DMD: variants seen among roughly 807,000 people sequenced by gnomAD.
The protein encoded by DMD is dystrophin.
A neutral mutation model predicts 330.1 loss-of-function variants in DMD; 63 were observed. The observed-to-expected ratio is 0.19, with a 90% CI of 0.16 to 0.24. DMD has a LOEUF of 0.24. DMD is among the 10% of genes least tolerant of loss of function. DMD has a pLI of 1.00. For missense variants in DMD, 3,344 were observed against 2,684.1 expected, an observed-to-expected ratio of 1.25 and a Z score of -5.43; for synonymous variants, 1,223 against 959.8, an observed-to-expected ratio of 1.27 and a Z score of -5.07.
intron 4 of DMD, among the ~76,000 whole-genome samples, chrX:32,835,702 C>A (rs1453916484): frequency 9.0e-6 from 1 of 111,362 alleles, no homozygotes; most frequent in African/African-American, 3.3e-5. Flanking sequence ...AACTGAGGAA[C>A]AGGGTTAAAC....
intron 44 of DMD, among the ~76,000 whole-genome samples, chrX:32,021,404 A>G (rs2095805036): frequency 8.9e-6 from 1 of 112,021 alleles, no homozygotes; most frequent in Non-Finnish European, 1.9e-5. Flanking sequence ...TTTACTAGAA[A>G]TTCAAGATAA....
At chrX:31,638,455 G>T (rs1339677702) in intron 54 of DMD, among the ~76,000 whole-genome samples, 2 of 112,060 alleles carry the variant, frequency 1.8e-5, no homozygotes, top group African/African-American at 6.5e-5. Context: ...ATCACCACCT[G>T]ACACTGGTCT....
intron 50 of DMD, among the ~76,000 whole-genome samples, chrX:31,807,771 T>C (rs557561976): frequency 1.8e-5 from 2 of 111,609 alleles, no homozygotes; most frequent in South Asian, 7.5e-4. Context: ...TACAAAAGCA[T>C]GCACAATATG....
At chrX:32,653,443 G>C (rs1380798355) in intron 9 of DMD, among the ~76,000 whole-genome samples, 15 of 111,539 alleles carry the variant, frequency 1.3e-4, no homozygotes, top group Non-Finnish European at 2.8e-4. Context: ...GTTTTTCTCA[G>C]GTTTGTCAAA....
chrX:31,639,248 A>G (rs2148493653), intron 54 of DMD, among the ~76,000 whole-genome samples: 1 of 111,838 alleles, frequency 8.9e-6, no homozygotes, highest in South Asian at 3.7e-4. Flanking sequence ...GAGTGTTACT[A>G]TAATAGCATT....
chrX:31,334,858 C>T (rs1436896593), intron 61 of DMD, among the ~76,000 whole-genome samples: 1 of 111,878 alleles, frequency 8.9e-6, no homozygotes, highest in African/African-American at 3.2e-5. Flanking sequence ...GTCATACTGG[C>T]TTCCTTGCTA....
At chrX:33,305,581 A>T (rs752534005) in intron 1 of DMD, among the ~76,000 whole-genome samples, 73 of 103,718 alleles carry the variant, frequency 7.0e-4, no homozygotes, top group African/African-American at 9.0e-4. Context: ...AATAAAATTT[A>T]AAAAAAATGC....
chrX:32,778,955 T>C (rs2074438864), intron 7 of DMD, among the ~76,000 whole-genome samples: 1 of 111,372 alleles, frequency 9.0e-6, no homozygotes, highest in Admixed American at 9.6e-5. Context: ...AAAGGAGAGT[T>C]TAAATATGCA....
intron 44 of DMD, among the ~76,000 whole-genome samples, chrX:32,107,450 A>T (rs1221158287): frequency 9.3e-6 from 1 of 107,679 alleles, no homozygotes; most frequent in African/African-American, 3.4e-5. Context: ...ACAACTCCCA[A>T]GGTATACAGG....
chrX:32,162,834 A>G lies in DMD; in HGVS notation c.6438+54082T>C, dbSNP rs553027841. 5.6e-5 allele frequency among the ~76,000 whole-genome samples: 6 copies of G among 107,527 alleles called. No homozygotes were observed. The South Asian group carries it at 2.4e-3, about 44-fold the overall frequency. The allele number at this position is 107,527 out of a possible 115,157, so 93.4% of individuals were successfully genotyped here. ...ACCTCAAGTGTTCCACCCACCTCAGACTCCCAAAGTGCTGGGATTACAGGC... is the reference window on the plus strand; with the variant it reads ...ACCTCAAGTGTTCCACCCACCTCAGGCTCCCAAAGTGCTGGGATTACAGGC... On this transcript the variant is annotated intron_variant, in intron 44 of 78. Transcript: ENST00000357033.
intron 2 of DMD, among the ~76,000 whole-genome samples, chrX:32,899,154 C>T (rs1021966442): frequency 8.9e-6 from 1 of 112,144 alleles, no homozygotes; most frequent in Non-Finnish European, 1.9e-5. Context: ...AGCAGTTGCC[C>T]ATTTTAGACT....
chrX:32,731,268 C>G (rs185215033), intron 7 of DMD, among the ~76,000 whole-genome samples: 6 of 112,309 alleles, frequency 5.3e-5, no homozygotes, highest in Non-Finnish European at 1.1e-4. Flanking sequence ...CCTACCCCAA[C>G]GGAATCTCGC....
chrX:32,015,191 A>G (rs1299393308), intron 44 of DMD, among the ~76,000 whole-genome samples: 1 of 111,840 alleles, frequency 8.9e-6, no homozygotes, highest in Non-Finnish European at 1.9e-5. Flanking sequence ...CAGGTGATTC[A>G]GATACGCAAT....
intron 9 of DMD, among the ~76,000 whole-genome samples, chrX:32,648,021 C>T (rs2043441675): frequency 8.9e-6 from 1 of 112,055 alleles, no homozygotes; most frequent in African/African-American, 3.2e-5. Flanking sequence ...GCATTGTAAA[C>T]AGCACTAATA....
intron 51 of DMD, among the ~76,000 whole-genome samples, chrX:31,739,568 A>G (rs2087140599): frequency 1.8e-5 from 2 of 109,881 alleles, no homozygotes; most frequent in African/African-American, 6.6e-5. Flanking sequence ...ATGAGAACAC[A>G]TGGACACAGG....
intron 55 of DMD, among the ~76,000 whole-genome samples, chrX:31,572,601 C>A (rs1487763195): frequency 8.9e-6 from 1 of 112,435 alleles, no homozygotes; most frequent in East Asian, 2.8e-4. Context: ...TGTATAAATA[C>A]CCCAGCTCCC....
rs181345031 is a variant in DMD, at chrX:33,235,224, C to T, written c.7+104035G>A. On this transcript the variant is annotated intron_variant, in intron 1 of 17. Coordinates refer to the DMD transcript ENST00000288447. ...CCCTACACAACGTTTTTTGTGAGCA[C>T]GCACCAGTTCCTATTCTTACTCTTT... Among the ~76,000 whole-genome samples the T allele has an allele frequency of 1.7e-3, 192 of 111,585 alleles. 1 individual carries two copies. The highest frequency in any genetic ancestry group is 3.0e-3 in the Non-Finnish European group (157 of 53,124).
intron 1 of DMD, among the ~76,000 whole-genome samples, chrX:33,187,745 A>G (rs985708835): frequency 7.2e-5 from 8 of 111,574 alleles, no homozygotes; most frequent in Admixed American, 6.7e-4. Context: ...GTTTTCTCTA[A>G]TACTGTTTGT....
chrX:33,298,414 A>G (rs1057439553), intron 1 of DMD, among the ~76,000 whole-genome samples: 1 of 111,661 alleles, frequency 9.0e-6, no homozygotes, highest in African/African-American at 3.3e-5. Context: ...AATTTCAAAC[A>G]ATTTATGTTA....
Sources: allele counts gnomAD v4.1 joint callset (sites outside exome capture counted in the v4.1 genomes callset), GRCh38; gene constraint gnomAD v4.1.1; transcripts MANE v1.5; gene names NCBI Gene and HGNC (gene_info 2026-07-23, HGNC 2026-07-21).